PLCXD3: variants seen among roughly 807,000 people sequenced by gnomAD.
PLCXD3 encodes phosphatidylinositol specific phospholipase C X domain containing 3, also known as PI-PLC X domain-containing protein 3.
Under a neutral mutation model 25.5 loss-of-function variants are expected in PLCXD3, and 19 were observed. That is an observed-to-expected ratio of 0.75 (90% CI 0.52 to 1.09). The LOEUF is 1.09. PLCXD3 is among the 50% of genes least tolerant of loss of function. The probability of loss-of-function intolerance (pLI) is 0.00; values close to 1 mark genes in which losing one functional copy is unlikely to be tolerated. For missense variants in PLCXD3, 411 were observed against 388.1 expected (o/e 1.06, Z -0.50); for synonymous variants, 174 against 137.6 (o/e 1.26, Z -1.85).
rs768483762 is a variant in PLCXD3, at chr5:41,510,439, T to A, written c.88A>T (p.Asn30Tyr). The part of the protein sequence containing the change: ...PESMHSIPLT[N>Y]LAIPGSHDSF... Reference sequence around the variant, plus strand: ...GCGCGCCTACCTGGAATGGCTAAATTGGTGAGGGGGATGCTGTGCATGCTC... The same window carrying A: ...GCGCGCCTACCTGGAATGGCTAAATAGGTGAGGGGGATGCTGTGCATGCTC... The change falls in exon 1 of 3, where the codon AAT becomes TAT. Residue 30 changes from asparagine to tyrosine, a missense_variant. Coordinates refer to ENST00000377801, the MANE Select transcript of PLCXD3 (RefSeq NM_001005473.3). The A allele has an allele frequency of 3.7e-6, 6 of 1,608,358 alleles. No homozygotes were observed. Among genetic ancestry groups the A allele is most frequent in the Non-Finnish European group, 5.1e-6 (6 of 1,177,380 alleles).
In PLCXD3 at chr5:41,312,169, T is replaced by C. The variant is rs1349751905; in HGVS notation, c.*1448A>G. 1.3e-5 allele frequency: 2 copies of C among 152,484 alleles called. No individual in the cohort carries two copies. The highest frequency in any genetic ancestry group is 3.9e-4 in the East Asian group (2 of 5,186). The allele number at this position is 152,484 out of a possible 1,614,324, so 9.4% of individuals were successfully genotyped here. A position where few individuals can be genotyped will look rare whatever the true frequency, so the allele number is the denominator to read the frequency against. On this transcript the variant is annotated 3_prime_UTR_variant, in exon 3 of 3. Transcript: ENST00000377801. ...GGAAGTAACGCTCAAGCTGTGTCAT[T>C]GTTCTTCCCTGTAGACCCGGACTAT...
intron 1 of PLCXD3, among the ~76,000 whole-genome samples, chr5:41,424,524 G>A (rs1219429555): frequency 6.6e-6 from 1 of 151,896 alleles, no homozygotes; most frequent in African/African-American, 2.4e-5. Context: ...TGGGCAACAA[G>A]AGCAAAACTC....
chr5:41,500,429 G>T (rs1748927268), intron 1 of PLCXD3, among the ~76,000 whole-genome samples: 2 of 151,848 alleles, frequency 1.3e-5, no homozygotes, highest in Non-Finnish European at 3.0e-5. Flanking sequence ...TCAGAAGGGT[G>T]AGGGGATAAA....
At chr5:41,493,199 C>G (rs1423509429) in intron 1 of PLCXD3, among the ~76,000 whole-genome samples, 1 of 152,218 alleles carries the variant, frequency 6.6e-6, no homozygotes, top group East Asian at 1.9e-4. Flanking sequence ...AGGTCCACTC[C>G]AGACCCTGTT....
intron 2 of PLCXD3, among the ~76,000 whole-genome samples, chr5:41,341,712 G>A (rs1744153124): frequency 6.6e-6 from 1 of 151,562 alleles, no homozygotes; most frequent in African/African-American, 2.4e-5. Context: ...GCAAGGCCAT[G>A]GTAGAAAAAA....
At chr5:41,345,428 T>C (rs1354826275) in intron 2 of PLCXD3, among the ~76,000 whole-genome samples, 1 of 152,162 alleles carries the variant, frequency 6.6e-6, no homozygotes, top group East Asian at 1.9e-4. Flanking sequence ...TTCATATTAT[T>C]CTGGGTCTGG....
chr5:41,418,096 G>C (rs375610856), intron 1 of PLCXD3, among the ~76,000 whole-genome samples: 1 of 152,014 alleles, frequency 6.6e-6, no homozygotes, highest in African/African-American at 2.4e-5. Flanking sequence ...GATGGCTTAG[G>C]ATATGGTTTT....
chr5:41,426,182 T>C (rs1226721786), intron 1 of PLCXD3, among the ~76,000 whole-genome samples: 1 of 152,150 alleles, frequency 6.6e-6, no homozygotes, highest in Non-Finnish European at 1.5e-5. Context: ...GTTGTTTTAG[T>C]TTACATTTTT....
At chr5:41,505,947 A>G (rs1260834209) in intron 1 of PLCXD3, among the ~76,000 whole-genome samples, 3 of 152,264 alleles carry the variant, frequency 2.0e-5, no homozygotes, top group Non-Finnish European at 4.4e-5. Flanking sequence ...TAAAAAATGT[A>G]TATTTAAATT....
intron 1 of PLCXD3, among the ~76,000 whole-genome samples, chr5:41,496,531 G>A (rs1357443805): frequency 1.3e-5 from 2 of 149,106 alleles, no homozygotes; most frequent in Non-Finnish European, 3.0e-5. Context: ...AAAATTGTGA[G>A]ACAGAAGGAA....
intron 1 of PLCXD3, among the ~76,000 whole-genome samples, chr5:41,495,977 T>C (rs1441165679): frequency 6.6e-6 from 1 of 152,116 alleles, no homozygotes; most frequent in Non-Finnish European, 1.5e-5. Context: ...TTGTCATTAG[T>C]TCAGGACAAC....
chr5:41,477,638 C>T (rs1580392881), intron 1 of PLCXD3, among the ~76,000 whole-genome samples: 1 of 152,084 alleles, frequency 6.6e-6, no homozygotes, highest in Middle Eastern at 3.4e-3. Flanking sequence ...CACTTCCAAA[C>T]TCTGGATTTC....
At position 41,308,665 on chromosome 5, in the gene PLCXD3, C is replaced by T. The variant is rs1340761446; in HGVS notation, c.*4952G>A. ...TAGTATGGATGGGCCTTTAAAAGCT[C>T]TCCTAACACCAAGGCAGTTCATCTT... On this transcript the variant is annotated 3_prime_UTR_variant, in exon 3 of 3. Coordinates refer to ENST00000377801, the MANE Select transcript of PLCXD3 (RefSeq NM_001005473.3). The T allele has an allele frequency of 2.0e-5, 3 of 152,080 alleles. No homozygotes were observed. The highest frequency in any genetic ancestry group is 6.6e-5 in the Admixed American group (1 of 15,264). 9.4% of individuals were successfully genotyped at this position (152,080 alleles called of 1,614,324 possible). A position where few individuals can be genotyped will look rare whatever the true frequency, so the allele number is the denominator to read the frequency against.
intron 2 of PLCXD3, among the ~76,000 whole-genome samples, chr5:41,325,377 T>C (rs554063609): frequency 6.6e-6 from 1 of 152,210 alleles, no homozygotes; most frequent in Non-Finnish European, 1.5e-5. Context: ...CTCACTGTAC[T>C]GGATTAAAAC....
intron 1 of PLCXD3, among the ~76,000 whole-genome samples, chr5:41,407,453 C>T (rs1014978856): frequency 1.3e-5 from 2 of 152,232 alleles, no homozygotes; most frequent in African/African-American, 4.8e-5. Context: ...TTAATTTTTG[C>T]TTACTGTGTT....
intron 1 of PLCXD3, among the ~76,000 whole-genome samples, chr5:41,411,134 G>A (rs184243541): frequency 1.3e-5 from 2 of 152,190 alleles, no homozygotes; most frequent in Admixed American, 1.3e-4. Context: ...TACAAAACCT[G>A]GCAAATAAAC....
At chr5:41,341,504 G>A (rs13357789) in intron 2 of PLCXD3, among the ~76,000 whole-genome samples, 1 of 152,176 alleles carries the variant, frequency 6.6e-6, no homozygotes, top group African/African-American at 2.4e-5. Flanking sequence ...ACAAATTTAA[G>A]TTGTTCCAAA....
intron 2 of PLCXD3, among the ~76,000 whole-genome samples, chr5:41,345,982 T>G (rs1744291466): frequency 6.6e-6 from 1 of 152,016 alleles, no homozygotes; most frequent in Non-Finnish European, 1.5e-5. Context: ...TGGGTTCAAG[T>G]GATTCTCCTG....
At chr5:41,485,659 T>C (rs528140790) in intron 1 of PLCXD3, among the ~76,000 whole-genome samples, 28 of 152,308 alleles carry the variant, frequency 1.8e-4, no homozygotes, top group African/African-American at 6.7e-4. Context: ...ATGCTGCAGA[T>C]AGGCTCTTCC....
Sources: allele counts gnomAD v4.1 joint callset (sites outside exome capture counted in the v4.1 genomes callset), GRCh38; gene constraint gnomAD v4.1.1; transcripts MANE v1.5; gene names NCBI Gene and HGNC (gene_info 2026-07-23, HGNC 2026-07-21).